JAG1: variants seen among roughly 807,000 people sequenced by gnomAD.
The protein encoded by JAG1 is jagged canonical Notch ligand 1.
A neutral mutation model predicts 148.7 loss-of-function variants in JAG1; 23 were observed. The ratio of observed to expected loss-of-function variants is 0.15; its 90% confidence interval spans 0.11 to 0.22. The LOEUF is 0.22. Ranked by LOEUF, JAG1 falls within the 10% of genes least tolerant of loss-of-function variation. JAG1 has a pLI of 1.00. For synonymous variants in JAG1, 572 were observed against 598.3 expected, an observed-to-expected ratio of 0.96 and a Z score of 0.64; for missense variants, 1,054 against 1,611.2, an observed-to-expected ratio of 0.65 and a Z score of 5.92.
At chr20:10,640,218 G>A (rs536405497) in intron 25 of JAG1, among the ~76,000 whole-genome samples, 3 of 152,318 alleles carry the variant, frequency 2.0e-5, no homozygotes, top group South Asian at 2.1e-4. Context: ...CTTTGACTTC[G>A]CATGGGGAGA....
intron 9 of JAG1, 74 bp from the exon 10 acceptor site, chr20:10,649,709 C>T (rs750795518): frequency 1.0e-4 from 85 of 843,964 alleles, no homozygotes; most frequent in Non-Finnish European, 1.5e-4. Context: ...AAAAAAAGAA[C>T]AGGCCAGAGT....
chr20:10,642,074 C>T (rs984894079), intron 21 of JAG1, among the ~76,000 whole-genome samples, 182 bp from the exon 22 acceptor site: 12 of 152,208 alleles, frequency 7.9e-5, no homozygotes, highest in African/African-American at 1.2e-4. Flanking sequence ...ACAAGACTTG[C>T]TCTGGCCAAT....
intron 3 of JAG1, among the ~76,000 whole-genome samples, chr20:10,661,325 C>T (rs951935229): frequency 1.3e-5 from 2 of 152,178 alleles, no homozygotes; most frequent in African/African-American, 4.8e-5. Flanking sequence ...TTACAACTCG[C>T]TTGGGTCCCA....
At chr20:10,668,291 C>T (rs2067470722) in intron 2 of JAG1, among the ~76,000 whole-genome samples, 1 of 152,082 alleles carries the variant, frequency 6.6e-6, no homozygotes, top group African/African-American at 2.4e-5. Flanking sequence ...CCCAATGTAT[C>T]TTCCAACAGT....
intron 23 of JAG1, 28 bp downstream of exon 23, chr20:10,641,432 C>CAAA: frequency 6.6e-6 from 10 of 1,512,744 alleles, no homozygotes; most frequent in African/African-American, 1.4e-5. Context: ...ATCCACCATT[C>CAAA]AAAAAAAAAA....
In JAG1 at chr20:10,641,669, G is replaced by A. The variant is rs778011716; in HGVS notation, c.2707C>T (p.Leu903=). 22 of 1,613,828 alleles carry A rather than the reference G, an allele frequency of 1.4e-5. No homozygotes were observed. The highest frequency in any genetic ancestry group is 1.3e-4 in the Admixed American group (8 of 60,014). Residue 903 remains leucine (L), a synonymous_variant, in exon 23 of 26, where the codon CTG becomes TTG. Transcript: ENST00000254958. ...CACTCGCTGTGCCCTTTGTGGAGCA[G>A]GCAAGGTCGAGGGCCACACCAGACC... ...SKVWCGPRPC[L]LHKGHSECPS...
At chr20:10,663,804 A>G (rs1168424120) in intron 3 of JAG1, among the ~76,000 whole-genome samples, 159 bp downstream of exon 3, 1 of 152,232 alleles carries the variant, frequency 6.6e-6, no homozygotes, top group Non-Finnish European at 1.5e-5. Flanking sequence ...GTTAAGGAAT[A>G]CATTCCACTG....
rs562778336 is a variant in JAG1, at chr20:10,644,954, G to T, written c.2253C>A (p.Asn751Lys). Residue 751 changes from asparagine to lysine, a missense_variant, in exon 18 of 26, where the codon AAC (asparagine) becomes AAA (lysine). Around this residue, in one of 6 missense-constraint regions of JAG1, gnomAD observed 342 missense variants for 514.6 expected, o/e 0.66. Transcript: ENST00000254958. ...CACATGTGCCCCCATTATGGCAGGG[G>T]TTGGGCAGGCAGCTACTGTTTCGGG... ...NIARNSSCLP[N>K]PCHNGGTCVV... 1 of 1,614,130 alleles carries T rather than the reference G, an allele frequency of 6.2e-7. No individual in the cohort carries two copies. Among genetic ancestry groups the T allele is most frequent in the East Asian group, 2.2e-5 (1 of 44,868 alleles).
At chr20:10,659,116 C>T (rs2067397105) in intron 3 of JAG1, among the ~76,000 whole-genome samples, 1 of 152,214 alleles carries the variant, frequency 6.6e-6, no homozygotes, top group African/African-American at 2.4e-5. Flanking sequence ...AACAAATCAA[C>T]CTCTGTCCAC....
At chr20:10,652,030 T>C in intron 7 of JAG1, 101 bp downstream of exon 7, 1 of 1,348,172 alleles carries the variant, frequency 7.4e-7, no homozygotes. Flanking sequence ...TTGGAAGCTA[T>C]TTTCACTTTT....
intron 2 of JAG1, among the ~76,000 whole-genome samples, chr20:10,668,327 G>GAT (rs760494711): frequency 1.1e-4 from 16 of 151,848 alleles, no homozygotes; most frequent in African/African-American, 1.7e-4. Context: ...AGTTTTGAGA[G>GAT]ATATATATAT....
chr20:10,651,246 T>A (rs1254675425), intron 8 of JAG1: 1 of 278,888 alleles, frequency 3.6e-6, no homozygotes, highest in Non-Finnish European at 7.0e-6. Flanking sequence ...CAGTAGTAAG[T>A]GACAACCTCC....
chr20:10,661,130 A>G (rs2067414199), intron 3 of JAG1, among the ~76,000 whole-genome samples: 2 of 152,338 alleles, frequency 1.3e-5, no homozygotes, highest in Admixed American at 6.5e-5. Flanking sequence ...CCAAAATGTA[A>G]TAAAAGACTT....
chr20:10,639,988 CAAGA>C (rs760155789), intron 25 of JAG1, 33 bp from the exon 26 acceptor site: 6 of 1,526,306 alleles, frequency 3.9e-6, no homozygotes, highest in Non-Finnish European at 5.4e-6. Flanking sequence ...ATTAACTCTC[CAAGA>C]AAGAAAGAAA....
intron 3 of JAG1, among the ~76,000 whole-genome samples, chr20:10,659,889 A>C (rs1050299431): frequency 6.6e-6 from 1 of 152,166 alleles, no homozygotes; most frequent in Non-Finnish European, 1.5e-5. Context: ...CAGGTACAAA[A>C]ATAGCTCAAA....
In JAG1 at chr20:10,645,220, C is replaced by G. The variant is rs200473477; in HGVS notation, c.2150G>C (p.Gly717Ala). ...ATCCCCCTCATCATAGCAGGTGCCACCGTTGTTGCACGTGGCCTCATCACA... is the reference window on the plus strand; with the variant it reads ...ATCCCCCTCATCATAGCAGGTGCCAGCGTTGTTGCACGTGGCCTCATCACA... ...SQCDEATCNNGGTCYDEGDAF... is the reference protein window; with the variant it reads ...SQCDEATCNNAGTCYDEGDAF... Residue 717 changes from glycine to alanine, a missense_variant, in exon 17 of 26, where the codon GGT becomes GCT. By Grantham distance (60) the Gly-to-Ala change is moderately conservative (BLOSUM62 0). Coordinates refer to ENST00000254958, the MANE Select transcript of JAG1 (RefSeq NM_000214.3). The surrounding 1 kb of genome is among the most constrained non-coding windows in gnomAD (Gnocchi z 6.1). 10 of 1,614,084 alleles carry G rather than the reference C, an allele frequency of 6.2e-6. No individual in the cohort carries two copies. The highest frequency in any genetic ancestry group is 2.7e-5 in the African/African-American group (2 of 75,048).
At chr20:10,641,942 G>A (rs1438552678) in intron 21 of JAG1, 50 bp from the exon 22 acceptor site, 1 of 1,234,190 alleles carries the variant, frequency 8.1e-7, no homozygotes, top group Non-Finnish European at 1.2e-6. Context: ...AACCGGATCG[G>A]GGTTCAATTC....
intron 13 of JAG1, 128 bp from the exon 14 acceptor site, chr20:10,647,231 G>C: frequency 1.9e-6 from 2 of 1,066,462 alleles, no homozygotes; most frequent in South Asian, 2.6e-5. Flanking sequence ...CACACCCCAG[G>C]GAAGCCAAGA....
chr20:10,646,573 TG>T (rs1240081481), intron 14 of JAG1, among the ~76,000 whole-genome samples: 1 of 148,718 alleles, frequency 6.7e-6, no homozygotes, highest in Non-Finnish European at 1.5e-5. Flanking sequence ...GAGGCCAAGT[TG>T]GGGGTCGGGG....
Sources: gnomAD v4.1 joint callset for allele counts (sites outside exome capture counted in the v4.1 genomes callset) on GRCh38, gnomAD v4.1.1 for gene constraint, gnomAD v4.1.1 regional missense constraint, Gnocchi (gnomAD v3.1) non-coding constraint, MANE v1.5 for transcripts, NCBI Gene and HGNC (gene_info 2026-07-23, HGNC 2026-07-21) for gene names.